Variants in WDFY3 observed in about 807,000 individuals in gnomAD.
WDFY3 encodes WD repeat and FYVE domain containing 3.
WDFY3 carries 66 observed loss-of-function variants against 409.6 expected under a neutral mutation model. That is an observed-to-expected ratio of 0.16 (90% CI 0.13 to 0.20). The LOEUF (loss-of-function observed/expected upper bound fraction) is 0.20, where lower values mean the gene tolerates loss of function less well. Among genes scored for constraint, WDFY3 ranks in the 10% least tolerant of loss-of-function variants. The pLI is 1.00. For synonymous variants in WDFY3, 1,521 were observed against 1,537.1 expected, an observed-to-expected ratio of 0.99 and a Z score of 0.25; for missense variants, 3,031 against 4,298.1, an observed-to-expected ratio of 0.71 and a Z score of 8.24.
intron 27 of WDFY3, among the ~76,000 whole-genome samples, chr4:84,777,838 T>C (rs762731990): frequency 1.9e-4 from 29 of 152,116 alleles, no homozygotes; most frequent in Non-Finnish European, 3.4e-4. Flanking sequence ...ATAAATTTAG[T>C]ACATAATAAC....
At chr4:84,702,672 C>G (rs1368986376) in intron 55 of WDFY3, among the ~76,000 whole-genome samples, 166 bp from the exon 56 acceptor site, 2 of 152,162 alleles carry the variant, frequency 1.3e-5, no homozygotes, top group Non-Finnish European at 2.9e-5. Flanking sequence ...ACATCTAATT[C>G]TCTTTGGGGT....
chr4:84,949,883 A>C (rs1327283687), intron 1 of WDFY3, among the ~76,000 whole-genome samples: 4 of 152,196 alleles, frequency 2.6e-5, no homozygotes, highest in Non-Finnish European at 4.4e-5. Flanking sequence ...AGTAGATAAT[A>C]AAGAATTCTA....
At chr4:84,823,548 A>G (rs1192008259) in intron 10 of WDFY3, among the ~76,000 whole-genome samples, 1 of 152,140 alleles carries the variant, frequency 6.6e-6, no homozygotes, top group African/African-American at 2.4e-5. Context: ...ATATTAAGGG[A>G]TAAAGAACTT....
chr4:84,827,079 G>A (rs1754972718), intron 9 of WDFY3, 98 bp from the exon 10 acceptor site: 2 of 1,290,578 alleles, frequency 1.5e-6, no homozygotes, highest in African/African-American at 3.1e-5. Context: ...GTAAATAAAT[G>A]TATAAAGTAC....
At chr4:84,886,652 GGGAAGGAA>G (rs1764272033) in intron 3 of WDFY3, among the ~76,000 whole-genome samples, 1 of 152,148 alleles carries the variant, frequency 6.6e-6, no homozygotes, top group African/African-American at 2.4e-5. Context: ...TATTTAGAGA[GGGAAGGAA>G]GGAAGGGAGG....
intron 25 of WDFY3, among the ~76,000 whole-genome samples, chr4:84,780,568 C>T (rs1746315037): frequency 1.3e-5 from 2 of 151,908 alleles, no homozygotes; most frequent in Non-Finnish European, 2.9e-5. Flanking sequence ...ACTAGTCTGA[C>T]CAACATGGTG....
At chr4:84,860,284 G>A (rs545451868) in intron 4 of WDFY3, 128 bp downstream of exon 4, 26 of 1,093,032 alleles carry the variant, frequency 2.4e-5, no homozygotes, top group Admixed American at 1.9e-4. Context: ...AACATGAAAC[G>A]AGAACACCAA....
At chr4:84,698,326 C>A (rs1292736780) in intron 56 of WDFY3, among the ~76,000 whole-genome samples, 2 of 150,384 alleles carry the variant, frequency 1.3e-5, no homozygotes, top group Non-Finnish European at 3.0e-5. Flanking sequence ...GCTCTGCTGT[C>A]CAGCCTGGAG....
intron 1 of WDFY3, among the ~76,000 whole-genome samples, chr4:84,933,691 G>T (rs186275925): frequency 5.3e-5 from 8 of 151,724 alleles, no homozygotes; most frequent in Admixed American, 4.6e-4. Context: ...ACCCTGCCCA[G>T]CTTCTGGTAA....
chr4:84,888,279 C>T (rs2150478688), intron 3 of WDFY3, among the ~76,000 whole-genome samples: 1 of 152,154 alleles, frequency 6.6e-6, no homozygotes, highest in South Asian at 2.1e-4. Flanking sequence ...GTGGCTCGTG[C>T]CTGTAATCCC....
chr4:84,864,272 G>A (rs1415043918), intron 3 of WDFY3, among the ~76,000 whole-genome samples: 6 of 150,888 alleles, frequency 4.0e-5, no homozygotes, highest in Non-Finnish European at 1.5e-5. Context: ...GGAGGCCGAG[G>A]CAGGGAATCA....
chr4:84,803,429 G>T lies in WDFY3; in HGVS notation c.2468C>A (p.Pro823His). The T allele has an allele frequency of 1.9e-6, 3 of 1,613,822 alleles. No homozygotes were observed. The highest frequency in any genetic ancestry group is 1.1e-5 in the South Asian group (1 of 91,032). ...YHSVSTPPVY[P>H]PKNVADLKLH... ...TTTCAGGTCGGCAACATTTTTAGGAGGGTAAACAGGGGGAGTTGAAACAGA... is the reference window on the plus strand; with the variant it reads ...TTTCAGGTCGGCAACATTTTTAGGATGGTAAACAGGGGGAGTTGAAACAGA... Residue 823 changes from proline (P) to histidine (H), a missense_variant, in exon 16 of 68, where the codon CCT becomes CAT. By Grantham distance (77) the Pro-to-His change is moderately conservative (BLOSUM62 -2). Transcript: ENST00000295888.
intron 2 of WDFY3, among the ~76,000 whole-genome samples, chr4:84,902,878 T>C (rs1325322921): frequency 6.6e-6 from 1 of 152,198 alleles, no homozygotes; most frequent in Non-Finnish European, 1.5e-5. Context: ...ATAGCATATG[T>C]AAAGTCTTTG....
At chr4:84,904,488 G>A (rs961107544) in intron 2 of WDFY3, among the ~76,000 whole-genome samples, 8 of 152,260 alleles carry the variant, frequency 5.3e-5, no homozygotes, top group African/African-American at 1.9e-4. Context: ...GGTAGACATG[G>A]TAGAGATGTA....
chr4:84,906,894 A>C (rs1378642473), intron 2 of WDFY3, among the ~76,000 whole-genome samples: 1 of 152,078 alleles, frequency 6.6e-6, no homozygotes, highest in Non-Finnish European at 1.5e-5. Context: ...CACACCTGCA[A>C]ATCATTTCTA....
chr4:84,795,691 G>A (rs1218499712), intron 19 of WDFY3, among the ~76,000 whole-genome samples: 1 of 152,090 alleles, frequency 6.6e-6, no homozygotes, highest in African/African-American at 2.4e-5. Flanking sequence ...GAACCTGAGA[G>A]GCGGAGGTTG....
At chr4:84,747,919 A>C (rs1237110092) in intron 36 of WDFY3, among the ~76,000 whole-genome samples, 2 of 151,832 alleles carry the variant, frequency 1.3e-5, no homozygotes, top group African/African-American at 4.8e-5. Flanking sequence ...TATAAAGGAA[A>C]ATTTTTATAA....
rs768194284 is a variant in WDFY3 at position 84,780,316 on chromosome 4, A to G, written c.4175-18T>C. On this transcript the variant is annotated intron_variant, in intron 25 of 67. Coordinates refer to ENST00000295888, the MANE Select transcript of WDFY3 (RefSeq NM_014991.6). ...TCTTACTCCTGATTAAAAGATAGTG[A>G]AAAATAATTAAGATAAATTCCCCAT... is the stretch of plus-strand genomic sequence containing the variant. 1.9e-6 allele frequency: 3 copies of G among 1,587,592 alleles called. No homozygotes were observed. The highest frequency in any genetic ancestry group is 2.6e-6 in the Non-Finnish European group (3 of 1,167,372).
intron 3 of WDFY3, among the ~76,000 whole-genome samples, chr4:84,895,337 G>A (rs1463612126): frequency 6.6e-6 from 1 of 152,196 alleles, no homozygotes; most frequent in Non-Finnish European, 1.5e-5. Flanking sequence ...GGAGAACACA[G>A]GGAAAAGGCA....
Sources: gnomAD v4.1 joint callset for allele counts (sites outside exome capture counted in the v4.1 genomes callset) on GRCh38, gnomAD v4.1.1 for gene constraint, MANE v1.5 for transcripts, NCBI Gene and HGNC (gene_info 2026-07-23, HGNC 2026-07-21) for gene names.